Variants in COBLL1 observed in about 807,000 individuals in gnomAD.
COBLL1 encodes the protein cordon-bleu protein-like 1.
In COBLL1, 50 loss-of-function variants were observed where a neutral mutation model predicts 94.8. The ratio of observed to expected loss-of-function variants is 0.53; its 90% CI spans 0.42 to 0.67. The LOEUF (loss-of-function observed/expected upper bound fraction) is 0.67. Ranked by LOEUF, COBLL1 falls within the 30% of genes least tolerant of loss-of-function variation. The probability of loss-of-function intolerance (pLI) is 0.00; values close to 1 mark genes in which losing one functional copy is unlikely to be tolerated. For missense variants in COBLL1, 1,362 were observed against 1,348.7 expected, an observed-to-expected ratio of 1.01 and a Z score of -0.15; for synonymous variants, 448 against 473.8, an observed-to-expected ratio of 0.95 and a Z score of 0.71.
At chr2:164,756,354 C>T (rs554720231) in intron 2 of COBLL1, among the ~76,000 whole-genome samples, 2 of 152,228 alleles carry the variant, frequency 1.3e-5, no homozygotes, top group South Asian at 4.2e-4. Flanking sequence ...TCTCTCTCTC[C>T]ATTCCCCCTC....
chr2:164,822,375 G>A (rs1407110766), intron 2 of COBLL1, among the ~76,000 whole-genome samples: 1 of 152,210 alleles, frequency 6.6e-6, no homozygotes, highest in Non-Finnish European at 1.5e-5. Flanking sequence ...TGTCTGCTGA[G>A]CTGGGGGCCC....
intron 2 of COBLL1, among the ~76,000 whole-genome samples, chr2:164,756,231 C>T (rs355828): frequency 0.68 from 103,365 of 152,002 alleles, 36,955 homozygotes; most frequent in African/African-American, 0.92. Flanking sequence ...TTCTCCTATT[C>T]TAAGCAGATA....
At chr2:164,715,961 A>C (rs1235300373) in intron 7 of COBLL1, among the ~76,000 whole-genome samples, 1 of 152,120 alleles carries the variant, frequency 6.6e-6, no homozygotes, top group Non-Finnish European at 1.5e-5. Flanking sequence ...CCAAATGAAA[A>C]ATTCTCCAAA....
In COBLL1 at chr2:164,695,046, A is replaced by G; in HGVS notation, c.2346T>C (p.Asp782=). 6.2e-7 allele frequency: 1 copy of G among 1,613,790 alleles called. No homozygotes were observed. The highest frequency in any genetic ancestry group is 2.2e-5 in the East Asian group (1 of 44,848). The stretch of plus-strand genomic sequence containing the variant: ...CTTCTGGGCTTTCAGAAATAGCAGA[A>G]TCTTCTGTTTGGATGGCAGTTTCTT... ...NVKETAIQTE[D]SAISESPEEP... The change falls in exon 12 of 14, where the codon GAT becomes GAC. Residue 782 remains aspartate, a synonymous_variant. Transcript: ENST00000652658.
chr2:164,778,555 ATCATGCCACTGCAC>A (rs1199012070), intron 2 of COBLL1, among the ~76,000 whole-genome samples: 5 of 152,154 alleles, frequency 3.3e-5, no homozygotes, highest in Admixed American at 2.6e-4. Context: ...GTAAGCTGAG[ATCATGCCACTGCAC>A]TCTAGCCTGG....
chr2:164,835,278 C>T (rs1005708913), intron 2 of COBLL1, among the ~76,000 whole-genome samples: 1 of 152,128 alleles, frequency 6.6e-6, no homozygotes, highest in Admixed American at 6.5e-5. Context: ...CAAGTATCCA[C>T]TGATGGATGG....
intron 2 of COBLL1, among the ~76,000 whole-genome samples, chr2:164,777,220 G>C (rs1022518669): frequency 1.5e-4 from 22 of 151,472 alleles, no homozygotes; most frequent in Admixed American, 1.4e-3. Context: ...TTTCAGTTCT[G>C]TATCTGGCAT....
intron 2 of COBLL1, among the ~76,000 whole-genome samples, chr2:164,781,520 C>CTCTT (rs1427549128): frequency 1.3e-5 from 2 of 152,196 alleles, no homozygotes; most frequent in African/African-American, 4.8e-5. Flanking sequence ...TGCTGAGGTG[C>CTCTT]TCTTTCCCCT....
chr2:164,678,760 C>A (rs182856169), downstream of COBLL1, among the ~76,000 whole-genome samples: 4 of 151,990 alleles, frequency 2.6e-5, no homozygotes, highest in East Asian at 7.7e-4. Context: ...GAAAAAGGGA[C>A]AACTTACGTT....
chr2:164,658,136 ATG>A (rs1436171095), intron 2 of COBLL1, among the ~76,000 whole-genome samples: 1 of 152,054 alleles, frequency 6.6e-6, no homozygotes, highest in Non-Finnish European at 1.5e-5. Flanking sequence ...CTGATTGGTC[ATG>A]TGTGAGTTAA....
chr2:164,670,119 T>C (rs1691222115), intron 1 of COBLL1, among the ~76,000 whole-genome samples: 1 of 152,208 alleles, frequency 6.6e-6, no homozygotes, highest in African/African-American at 2.4e-5. Flanking sequence ...GTGTTTTATA[T>C]GCATTTTCTT....
chr2:164,708,627 AT>A (rs941719399), intron 7 of COBLL1, among the ~76,000 whole-genome samples: 37 of 152,238 alleles, frequency 2.4e-4, no homozygotes, highest in African/African-American at 8.9e-4. Flanking sequence ...CTTTAAAAAA[AT>A]AATTGTCTAC....
At chr2:164,730,824 C>T (rs761486392) in intron 3 of COBLL1, among the ~76,000 whole-genome samples, 5 of 152,216 alleles carry the variant, frequency 3.3e-5, no homozygotes, top group South Asian at 2.1e-4. Context: ...GGAACCACCA[C>T]CACCACTTTT....
intron 2 of COBLL1, among the ~76,000 whole-genome samples, chr2:164,808,218 A>G (rs1193243191): frequency 6.6e-6 from 1 of 152,186 alleles, no homozygotes; most frequent in African/African-American, 2.4e-5. Context: ...CCAATCTGTA[A>G]TTAGTTTTAC....
intron 1 of COBLL1, among the ~76,000 whole-genome samples, chr2:164,667,365 C>T (rs182234398): frequency 2.0e-5 from 3 of 152,298 alleles, no homozygotes; most frequent in East Asian, 3.9e-4. Context: ...CTGGTTTCAA[C>T]TTAAAGTCAC....
intron 3 of COBLL1, among the ~76,000 whole-genome samples, chr2:164,733,102 TGTTTG>T (rs1161847300): frequency 6.6e-6 from 1 of 152,216 alleles, no homozygotes; most frequent in East Asian, 1.9e-4. Flanking sequence ...ATTAAAGTTT[TGTTTG>T]GTTTTTATCC....
intron 3 of COBLL1, among the ~76,000 whole-genome samples, chr2:164,734,501 G>A (rs2105532957): frequency 6.6e-6 from 1 of 152,288 alleles, no homozygotes; most frequent in South Asian, 2.1e-4. Flanking sequence ...AAAGAGTTCT[G>A]AGGAGTGATG....
At chr2:164,776,577 A>C (rs188132958) in intron 2 of COBLL1, among the ~76,000 whole-genome samples, 43 of 146,326 alleles carry the variant, frequency 2.9e-4, no homozygotes, top group African/African-American at 1.0e-3. Context: ...GTTTTTTTTT[A>C]ATTTATTTTG....
At chr2:164,706,610 C>T (rs1421685968) in intron 7 of COBLL1, among the ~76,000 whole-genome samples, 1 of 152,178 alleles carries the variant, frequency 6.6e-6, no homozygotes, top group African/African-American at 2.4e-5. Flanking sequence ...ATTCTCACAG[C>T]CTTCCCTGTC....
Sources: gnomAD v4.1 joint callset for allele counts (sites outside exome capture counted in the v4.1 genomes callset) on GRCh38, gnomAD v4.1.1 for gene constraint, MANE v1.5 for transcripts, NCBI Gene and HGNC (gene_info 2026-07-23, HGNC 2026-07-21) for gene names.